The following PLEKHA6 variants were observed in gnomAD, a reference collection of about 807,000 sequenced individuals.
PLEKHA6 encodes pleckstrin homology domain containing A6, also known as pleckstrin homology domain-containing family A member 6.
A neutral mutation model predicts 116.7 loss-of-function variants in PLEKHA6; 60 were observed. The ratio of observed to expected loss-of-function variants is 0.51; its 90% CI spans 0.42 to 0.64. The LOEUF is 0.64. Among genes scored for constraint, PLEKHA6 ranks in the 30% least tolerant of loss-of-function variants. The pLI is 0.00. For missense variants in PLEKHA6, 1,338 were observed against 1,422.7 expected (o/e 0.94, Z 0.96); for synonymous variants, 489 against 556.1 (o/e 0.88, Z 1.70).
At chr1:204,230,328 C>A in intron 18 of PLEKHA6, 85 bp downstream of exon 18, 2 of 1,174,862 alleles carry the variant, frequency 1.7e-6, no homozygotes, top group Non-Finnish European at 2.3e-6. Flanking sequence ...CTCAAACCCC[C>A]CAGGCCCAAG....
chr1:204,285,497 A>G (rs535532314), intron 1 of PLEKHA6, among the ~76,000 whole-genome samples: 1 of 134,182 alleles, frequency 7.5e-6, no homozygotes, highest in African/African-American at 2.7e-5. Context: ...TTTTTTTGAG[A>G]CACGTTCTTG....
Position 204,228,032 on chromosome 1 carries a change from C to G in PLEKHA6, c.3031+51G>C. 6.3e-7 allele frequency: 1 copy of G among 1,590,704 alleles called. No individual in the cohort carries two copies. The highest frequency in any genetic ancestry group is 8.6e-7 in the Non-Finnish European group (1 of 1,168,466). Reference sequence around the variant, plus strand: ...CAGTGCCACGCTTCCTCCCTTAAACCTGGTCAGCTGGTTTCCCTGGCAGGG... The same window carrying G: ...CAGTGCCACGCTTCCTCCCTTAAACGTGGTCAGCTGGTTTCCCTGGCAGGG... On this transcript the variant is annotated intron_variant, in intron 21 of 22. Coordinates refer to ENST00000272203, the MANE Select transcript of PLEKHA6 (RefSeq NM_014935.5). This position sits in a 1 kb window ranked among gnomAD's most constrained non-coding sequence, Gnocchi z 4.0.
Position 204,257,265 on chromosome 1 carries a change from T to TC in PLEKHA6, c.1524+87dup. ...CCCAGTGGCCCCGTGGCACAGATGC[T>TC]CCCACATCTCTGCCTTTTCTCAGTA... is the stretch of plus-strand genomic sequence containing the variant. On this transcript the variant is annotated intron_variant, in intron 9 of 22. Coordinates refer to ENST00000272203, the MANE Select transcript of PLEKHA6 (RefSeq NM_014935.5). This position sits in a 1 kb window ranked among gnomAD's most constrained non-coding sequence, Gnocchi z 6.5. 1 of 1,266,242 alleles carries TC rather than the reference T, an allele frequency of 7.9e-7. No individual in the cohort carries two copies. The highest frequency in any genetic ancestry group is 2.5e-5 in the East Asian group (1 of 39,522). The allele number at this position is 1,266,242 out of a possible 1,614,324, so 78.4% of individuals were successfully genotyped here.
chr1:204,281,272 C>A (rs1668568756), intron 1 of PLEKHA6, among the ~76,000 whole-genome samples: 2 of 152,058 alleles, frequency 1.3e-5, no homozygotes, highest in Admixed American at 6.5e-5. Context: ...ACACCTGTCA[C>A]CCCAGCACTT....
At chr1:204,269,371 T>G (rs1667202744) in intron 3 of PLEKHA6, among the ~76,000 whole-genome samples, 1 of 65,204 alleles carries the variant, frequency 1.5e-5, no homozygotes, top group South Asian at 4.0e-4. Flanking sequence ...TCTCTAAAAC[T>G]CAATACGGCA....
rs958176397 is a variant in PLEKHA6, at chr1:204,257,205, C to T, written c.1524+148G>A. The T allele has an allele frequency of 1.4e-5, 11 of 762,322 alleles. No individual in the cohort carries two copies. Among genetic ancestry groups the T allele is most frequent in the South Asian group, 3.5e-5 (2 of 56,430 alleles). 47.2% of individuals were successfully genotyped at this position (762,322 alleles called of 1,614,324 possible). ...AGACAGAACCACAGGCCAGGGGCTC[C>T]GCTGGGCAGCACTGCTGGTCCTGCA... is the stretch of plus-strand genomic sequence containing the variant. On this transcript the variant is annotated intron_variant, in intron 9 of 22. Coordinates refer to ENST00000272203, the MANE Select transcript of PLEKHA6 (RefSeq NM_014935.5). This position sits in a 1 kb window ranked among gnomAD's most constrained non-coding sequence, Gnocchi z 6.5.
intron 5 of PLEKHA6, 71 bp from the exon 6 acceptor site, chr1:204,265,113 G>A: frequency 2.8e-6 from 3 of 1,055,862 alleles, no homozygotes; most frequent in South Asian, 2.5e-5. Context: ...CAGGGGTGGG[G>A]AGGAGTGTGT....
chr1:204,293,861 C>A (rs887115809), intron 1 of PLEKHA6, among the ~76,000 whole-genome samples: 3 of 152,128 alleles, frequency 2.0e-5, no homozygotes, highest in Admixed American at 1.3e-4. Flanking sequence ...AACTTCAATG[C>A]ATGAACATGG....
At chr1:204,377,457 G>A (rs2103426612) in intron 1 of PLEKHA6, 1 of 152,244 alleles carries the variant, frequency 6.6e-6, no homozygotes, top group African/African-American at 2.4e-5. Context: ...AAACTTATTA[G>A]TCATGCCCGC....
At chr1:204,239,037 A>G (rs1402063204) in intron 17 of PLEKHA6, among the ~76,000 whole-genome samples, 3 of 152,224 alleles carry the variant, frequency 2.0e-5, no homozygotes, top group African/African-American at 4.8e-5. Flanking sequence ...GGGAAGAGGT[A>G]TGTGGATGGA....
intron 17 of PLEKHA6, among the ~76,000 whole-genome samples, chr1:204,232,971 A>T (rs564404070): frequency 4.1e-4 from 63 of 152,112 alleles, no homozygotes; most frequent in Non-Finnish European, 6.9e-4. Flanking sequence ...ATTTTTTAAA[A>T]TTTATTTTTT....
intron 21 of PLEKHA6, among the ~76,000 whole-genome samples, chr1:204,226,175 G>C (rs967843005): frequency 6.6e-5 from 10 of 152,234 alleles, no homozygotes; most frequent in African/African-American, 2.4e-4. Flanking sequence ...TGTAGCTCTG[G>C]GGAGCTGGGC....
chr1:204,353,893 C>T (rs1461048570), intron 1 of PLEKHA6, among the ~76,000 whole-genome samples: 1 of 152,118 alleles, frequency 6.6e-6, no homozygotes, highest in Non-Finnish European at 1.5e-5. Flanking sequence ...CTTCAATTCC[C>T]CAGTGAGACA....
intron 1 of PLEKHA6, chr1:204,297,109 A>C (rs1036848302): frequency 2.0e-6 from 2 of 984,134 alleles, no homozygotes. Context: ...TAGTGACAAC[A>C]GTAGAGATAA....
intron 1 of PLEKHA6, among the ~76,000 whole-genome samples, chr1:204,339,245 G>A (rs1672763540): frequency 6.6e-6 from 1 of 152,224 alleles, no homozygotes; most frequent in Non-Finnish European, 1.5e-5. Context: ...AGCCAGTCGA[G>A]CCTTCAGAGG....
chr1:204,292,550 C>G (rs1219169789), intron 1 of PLEKHA6, among the ~76,000 whole-genome samples: 6 of 151,870 alleles, frequency 4.0e-5, no homozygotes, highest in Non-Finnish European at 2.9e-5. Context: ...TGTCCCTCAC[C>G]CTGGCTGATG....
At chr1:204,244,713 G>T (rs1288301028) in intron 15 of PLEKHA6, 151 bp downstream of exon 15, 4 of 511,736 alleles carry the variant, frequency 7.8e-6, no homozygotes, top group Non-Finnish European at 1.3e-5. Context: ...CACAAAATGG[G>T]GTGTGAGAAT....
intron 17 of PLEKHA6, among the ~76,000 whole-genome samples, chr1:204,232,743 C>T (rs1168471427): frequency 6.6e-6 from 1 of 151,932 alleles, no homozygotes; most frequent in African/African-American, 2.4e-5. Context: ...GCTGTGGATG[C>T]AGAGGCAGGG....
At chr1:204,299,730 A>G in intron 1 of PLEKHA6, 1 of 628,920 alleles carries the variant, frequency 1.6e-6, no homozygotes, top group Non-Finnish European at 2.0e-6. Context: ...AGAAAGGCCT[A>G]CTTCCCTGGC....
Sources: allele counts gnomAD v4.1 joint callset (sites outside exome capture counted in the v4.1 genomes callset), GRCh38; gene constraint gnomAD v4.1.1; non-coding constraint Gnocchi (gnomAD v3.1); transcripts MANE v1.5; gene names NCBI Gene and HGNC (gene_info 2026-07-23, HGNC 2026-07-21).